Variants in PGBD2 observed in about 807,000 individuals in gnomAD.
PGBD2 encodes the protein piggyBac transposable element-derived protein 2.
Under a neutral mutation model 8.1 loss-of-function variants are expected in PGBD2, and 6 were observed. The ratio of observed to expected loss-of-function variants is 0.74; its 90% CI spans 0.40 to 1.46. The LOEUF is 1.46. Among genes scored for constraint, PGBD2 ranks in the 40% most tolerant of loss-of-function variants. The probability of loss-of-function intolerance (pLI) is 0.02; values close to 1 mark genes in which losing one functional copy is unlikely to be tolerated. For synonymous variants in PGBD2, 318 were observed against 272.2 expected (o/e 1.17, Z -1.66); for missense variants, 802 against 739.0 (o/e 1.09, Z -0.99).
the PGBD2 span, among the ~76,000 whole-genome samples, chr1:248,875,324 A>AAAAG: frequency 4.0e-3 from 599 of 149,356 alleles, 2 homozygotes; most frequent in African/African-American, 0.014. Flanking sequence ...AAAAAAAAAA[A>AAAAG]AAAAGAAAAG....
chr1:248,921,150 T>C (rs1662278665), downstream of PGBD2, among the ~76,000 whole-genome samples: 1 of 152,242 alleles, frequency 6.6e-6, no homozygotes, highest in African/African-American at 2.4e-5. Flanking sequence ...TTTAATTAGA[T>C]CCCATTTGTC....
chr1:248,887,834 G>A, the PGBD2 span, among the ~76,000 whole-genome samples: 1 of 152,162 alleles, frequency 6.6e-6, no homozygotes, highest in Non-Finnish European at 1.5e-5. Context: ...GCTGAGCTTT[G>A]GGCTTCTGTT....
chr1:248,881,823 C>T, the PGBD2 span, among the ~76,000 whole-genome samples: 1 of 152,066 alleles, frequency 6.6e-6, no homozygotes, highest in Non-Finnish European at 1.5e-5. Flanking sequence ...GTGCATGTAA[C>T]CTGCTGTGGT....
the PGBD2 span, among the ~76,000 whole-genome samples, chr1:248,928,672 G>C: frequency 6.6e-6 from 1 of 152,132 alleles, no homozygotes; most frequent in East Asian, 1.9e-4. Context: ...TGAATAATTT[G>C]TTTCCACACT....
the PGBD2 span, among the ~76,000 whole-genome samples, chr1:248,884,426 C>A: frequency 2.6e-5 from 4 of 151,780 alleles, no homozygotes; most frequent in Non-Finnish European, 5.9e-5. Flanking sequence ...TTGCAACCTT[C>A]GCCTCCTGGG....
chr1:248,927,849 T>C, the PGBD2 span, among the ~76,000 whole-genome samples: 7 of 152,136 alleles, frequency 4.6e-5, no homozygotes, highest in African/African-American at 1.7e-4. Flanking sequence ...GGTAGATAGA[T>C]AGATGATAGA....
At position 248,917,736 on chromosome 1, in the gene PGBD2, A is replaced by G; in HGVS notation, c.1152A>G (p.Leu384=). ...VREYRTERCP[L]KDPKELKKMK... The stretch of plus-strand genomic sequence containing the variant: ...AGTACAGGACTGAGCGATGTCCCCT[A>G]AAAGACCCCAAAGAACTGAAAAAAA... Residue 384 remains leucine (L), a synonymous_variant, in exon 3 of 3, where the codon CTA becomes CTG. Coordinates refer to ENST00000329291, the MANE Select transcript of PGBD2 (RefSeq NM_170725.3). 2 of 1,614,232 alleles carry G rather than the reference A, an allele frequency of 1.2e-6. No homozygotes were observed. Among genetic ancestry groups the G allele is most frequent in the Non-Finnish European group, 1.7e-6 (2 of 1,180,044 alleles).
the PGBD2 span, among the ~76,000 whole-genome samples, chr1:248,874,953 GATAGA>G: frequency 1.5e-5 from 2 of 136,180 alleles, no homozygotes; most frequent in African/African-American, 5.6e-5. Flanking sequence ...TAGATAGATA[GATAGA>G]CAAATAGATA....
intron 2 of PGBD2, among the ~76,000 whole-genome samples, chr1:248,916,328 C>T (rs578240066): frequency 2.0e-5 from 3 of 152,222 alleles, no homozygotes; most frequent in East Asian, 3.9e-4. Flanking sequence ...GCAGGAGAAT[C>T]GCTTGAACCC....
chr1:248,908,683 T>C (rs1661751201), intron 1 of PGBD2, among the ~76,000 whole-genome samples: 1 of 92,272 alleles, frequency 1.1e-5, no homozygotes, highest in Admixed American at 1.0e-4. Flanking sequence ...GCTCTTCCTG[T>C]ATTTTTTTTT....
the PGBD2 span, among the ~76,000 whole-genome samples, chr1:248,884,755 T>G: frequency 6.6e-6 from 1 of 152,200 alleles, no homozygotes; most frequent in Non-Finnish European, 1.5e-5. Flanking sequence ...TAATTTCAGT[T>G]GAATGAGTAA....
At chr1:248,881,476 T>C in the PGBD2 span, among the ~76,000 whole-genome samples, 70 of 152,360 alleles carry the variant, frequency 4.6e-4, no homozygotes, top group African/African-American at 1.7e-3. Flanking sequence ...ATTGTTTACC[T>C]TCCCATGTAA....
chr1:248,891,673 T>C, the PGBD2 span, among the ~76,000 whole-genome samples: 359 of 152,124 alleles, frequency 2.4e-3, 3 homozygotes, highest in East Asian at 9.7e-4. Flanking sequence ...CTACTAAAAA[T>C]TTAAAAATCA....
the PGBD2 span, among the ~76,000 whole-genome samples, chr1:248,897,727 G>A: frequency 3.1e-3 from 474 of 152,280 alleles, 5 homozygotes; most frequent in African/African-American, 0.011. Flanking sequence ...AACCCAAGGG[G>A]CATCTTTCAG....
At chr1:248,881,028 G>A in the PGBD2 span, among the ~76,000 whole-genome samples, 49 of 152,256 alleles carry the variant, frequency 3.2e-4, no homozygotes, top group African/African-American at 1.1e-3. Context: ...TCTGCTGCCT[G>A]AACCCTGAGA....
At chr1:248,907,395 C>G (rs1038615471) in intron 1 of PGBD2, among the ~76,000 whole-genome samples, 1 of 152,202 alleles carries the variant, frequency 6.6e-6, no homozygotes, top group Admixed American at 6.5e-5. Context: ...CATTCAGTTC[C>G]CAGGGGCAGG....
chr1:248,881,166 G>T, the PGBD2 span, among the ~76,000 whole-genome samples: 1 of 152,152 alleles, frequency 6.6e-6, no homozygotes, highest in African/African-American at 2.4e-5. Flanking sequence ...AGTAGGCAAA[G>T]AGCCAGAAAA....
At chr1:248,928,716 A>G in the PGBD2 span, among the ~76,000 whole-genome samples, 4 of 152,324 alleles carry the variant, frequency 2.6e-5, no homozygotes, top group Non-Finnish European at 4.4e-5. Flanking sequence ...GGTAAAAACA[A>G]TTCTGCTTCA....
chr1:248,917,428 A>G lies in PGBD2; in HGVS notation c.844A>G (p.Lys282Glu). 1 of 1,614,130 alleles carries G rather than the reference A, an allele frequency of 6.2e-7. No individual in the cohort carries two copies. Among genetic ancestry groups the G allele is most frequent in the Non-Finnish European group, 8.5e-7 (1 of 1,180,016 alleles). ...TGAGTACTTTGGGCACCGGGGGTCCAAGCAGCTGCACAGGGGGAAGCCTGT... is the reference window on the plus strand; with the variant it reads ...TGAGTACTTTGGGCACCGGGGGTCCGAGCAGCTGCACAGGGGGAAGCCTGT... ...MCEYFGHRGSKQLHRGKPVRL... is the reference protein window; with the variant it reads ...MCEYFGHRGSEQLHRGKPVRL... Residue 282 changes from lysine to glutamate, a missense_variant, in exon 3 of 3, where the codon AAG (lysine) becomes GAG (glutamate). Physicochemically the swap from Lys to Glu is moderately conservative, Grantham distance 56. Transcript: ENST00000329291.
Sources: gnomAD v4.1 joint callset for allele counts (sites outside exome capture counted in the v4.1 genomes callset) on GRCh38, gnomAD v4.1.1 for gene constraint, MANE v1.5 for transcripts, NCBI Gene and HGNC (gene_info 2026-07-23, HGNC 2026-07-21) for gene names.